The following DNAI3 variants were observed in gnomAD, a reference collection of about 807,000 sequenced individuals.
DNAI3 encodes dynein axonemal intermediate chain 3.
A neutral mutation model predicts 115.5 loss-of-function variants in DNAI3; 83 were observed. The ratio of observed to expected loss-of-function variants is 0.72; its 90% CI spans 0.60 to 0.86. The LOEUF is 0.86. Ranked by LOEUF, DNAI3 falls within the 40% of genes least tolerant of loss-of-function variation. DNAI3 has a pLI of 0.00. For missense variants in DNAI3, 1,004 were observed against 1,075.8 expected (o/e 0.93, Z 0.93); for synonymous variants, 320 against 347.0 (o/e 0.92, Z 0.86).
chr1:85,131,478 G>A (rs965086965), intron 22 of DNAI3, among the ~76,000 whole-genome samples: 4 of 149,158 alleles, frequency 2.7e-5, no homozygotes, highest in Non-Finnish European at 5.9e-5. Flanking sequence ...GCATTAGCAT[G>A]TGGAAATATT....
At chr1:85,120,596 A>T (rs748295601) in intron 17 of DNAI3, among the ~76,000 whole-genome samples, 8 of 152,060 alleles carry the variant, frequency 5.3e-5, no homozygotes. Flanking sequence ...GATATTAATA[A>T]CTCTCTTACA....
At position 85,132,852 on chromosome 1, in the gene DNAI3, C is replaced by CA. The variant is rs1353771060; in HGVS notation, c.2533-2dup. ...GGATGTCTTGTTTTTCTTCCCCCCC[C>CA]AGAAAACATATCAGAAGTCAAAAGA... is the stretch of plus-strand genomic sequence containing the variant. On this transcript the variant is annotated splice_region_variant and splice_polypyrimidine_tract_variant and intron_variant, in intron 22 of 22. Coordinates refer to ENST00000294664, the MANE Select transcript of DNAI3 (RefSeq NM_145172.5). 1 of 1,597,764 alleles carries CA rather than the reference C, an allele frequency of 6.3e-7. No homozygotes were observed. The highest frequency in any genetic ancestry group is 8.5e-7 in the Non-Finnish European group (1 of 1,174,096).
At chr1:85,098,416 C>T (rs1655191268) in intron 12 of DNAI3, 114 bp from the exon 13 acceptor site, 5 of 1,257,800 alleles carry the variant, frequency 4.0e-6, no homozygotes, top group Non-Finnish European at 5.5e-6. Context: ...TTATGTTTTT[C>T]CTTGAACTGG....
chr1:85,123,912 A>G (rs1427780386), intron 18 of DNAI3, among the ~76,000 whole-genome samples: 2 of 152,240 alleles, frequency 1.3e-5, no homozygotes, highest in African/African-American at 4.8e-5. Flanking sequence ...AGCTTGAAAA[A>G]TGGCCTTGAT....
chr1:85,087,234 G>A (rs556691063), intron 7 of DNAI3, among the ~76,000 whole-genome samples: 1 of 151,884 alleles, frequency 6.6e-6, no homozygotes, highest in East Asian at 1.9e-4. Flanking sequence ...TCAAGAGATC[G>A]AGACCATCCT....
intron 1 of DNAI3, among the ~76,000 whole-genome samples, chr1:85,065,630 T>C (rs1654075239): frequency 6.6e-6 from 1 of 152,190 alleles, no homozygotes; most frequent in Non-Finnish European, 1.5e-5. Flanking sequence ...TATAGTCTTT[T>C]GTGATAGTTC....
chr1:85,083,927 G>A (rs536077051), intron 5 of DNAI3, among the ~76,000 whole-genome samples: 40 of 151,718 alleles, frequency 2.6e-4, no homozygotes, highest in African/African-American at 9.2e-4. Context: ...CATAAAAATT[G>A]TGTCATTTTT....
At chr1:85,098,702 A>G (rs750389496) in intron 13 of DNAI3, 44 bp downstream of exon 13, 2 of 1,594,956 alleles carry the variant, frequency 1.3e-6, no homozygotes, top group Non-Finnish European at 1.7e-6. Flanking sequence ...TGAATTACAC[A>G]TTTTCAGATT....
Position 85,085,906 on chromosome 1 carries a change from G to T in DNAI3, c.616G>T (p.Val206Leu). 6.2e-7 allele frequency: 1 copy of T among 1,614,162 alleles called. No homozygotes were observed. Among genetic ancestry groups the T allele is most frequent in the South Asian group, 1.1e-5 (1 of 91,078 alleles). ...GTTCAGTGACCAGAATGCTTCCAGTGTAAAAGATGCCTATATTGAATGTAC... is the reference window on the plus strand; with the variant it reads ...GTTCAGTGACCAGAATGCTTCCAGTTTAAAAGATGCCTATATTGAATGTAC... The part of the protein sequence containing the change: ...IKFSDQNASS[V>L]KDAYIECTAY... Residue 206 changes from valine to leucine, a missense_variant, in exon 7 of 23, where the codon GTA becomes TTA. Physicochemically the swap from Val to Leu is conservative, Grantham distance 32. Around this residue, in one of 3 missense-constraint regions of DNAI3, gnomAD observed 550 missense variants for 568.1 expected, o/e 0.97. Transcript: ENST00000294664.
intron 1 of DNAI3, among the ~76,000 whole-genome samples, chr1:85,063,287 T>C (rs1653991602): frequency 6.6e-6 from 1 of 151,754 alleles, no homozygotes; most frequent in African/African-American, 2.4e-5. Context: ...ATGAGAAAGA[T>C]TGAAGCAAGC....
At chr1:85,130,682 TAGA>T (rs759910502) in intron 22 of DNAI3, among the ~76,000 whole-genome samples, 1 of 83,202 alleles carries the variant, frequency 1.2e-5, no homozygotes, top group African/African-American at 5.4e-5. Flanking sequence ...GATAGATAGA[TAGA>T]TAGATAGATA....
chr1:85,116,868 G>A (rs1655835629), intron 16 of DNAI3, among the ~76,000 whole-genome samples: 3 of 152,132 alleles, frequency 2.0e-5, no homozygotes, highest in Admixed American at 2.0e-4. Flanking sequence ...AACAAAGAGA[G>A]TATTGGTTGA....
chr1:85,110,034 T>C lies in DNAI3; in HGVS notation c.1699-14T>C. 1 of 1,610,836 alleles carries C rather than the reference T, an allele frequency of 6.2e-7. No individual in the cohort carries two copies. The highest frequency in any genetic ancestry group is 8.5e-7 in the Non-Finnish European group (1 of 1,177,406). On this transcript the variant is annotated splice_polypyrimidine_tract_variant and intron_variant, in intron 15 of 22. Coordinates refer to ENST00000294664, the MANE Select transcript of DNAI3 (RefSeq NM_145172.5). Reference sequence around the variant, plus strand: ...ATATGTGGAAATAATCTTTGCTATATGTTCTCCCAAAAGGTAAGGCTGTCC... The same window carrying C: ...ATATGTGGAAATAATCTTTGCTATACGTTCTCCCAAAAGGTAAGGCTGTCC...
intron 17 of DNAI3, among the ~76,000 whole-genome samples, chr1:85,118,367 T>C (rs1353807346): frequency 6.6e-6 from 1 of 152,248 alleles, no homozygotes; most frequent in Non-Finnish European, 1.5e-5. Flanking sequence ...CTGTGCCAAG[T>C]TATTTTCCAA....
intron 16 of DNAI3, among the ~76,000 whole-genome samples, chr1:85,115,763 C>T (rs1655798014): frequency 6.6e-6 from 1 of 152,112 alleles, no homozygotes; most frequent in South Asian, 2.1e-4. Flanking sequence ...ACCTAGATCC[C>T]TTGAATGTCC....
At chr1:85,103,958 A>G (rs1655407816) in intron 13 of DNAI3, among the ~76,000 whole-genome samples, 2 of 149,424 alleles carry the variant, frequency 1.3e-5, no homozygotes, top group South Asian at 4.2e-4. Context: ...GTAAATGTTC[A>G]AATTATGTGG....
intron 1 of DNAI3, among the ~76,000 whole-genome samples, chr1:85,065,184 C>CGT (rs1557703428): frequency 5.9e-5 from 9 of 151,448 alleles, no homozygotes; most frequent in African/African-American, 2.2e-4. Context: ...AGGAAGAACC[C>CGT]AGTTAAAGAG....
At chr1:85,068,683 GC>G (rs1371491232) in intron 1 of DNAI3, among the ~76,000 whole-genome samples, 4 of 152,230 alleles carry the variant, frequency 2.6e-5, no homozygotes, top group Admixed American at 2.6e-4. Context: ...ACACGACCTA[GC>G]CCCCCTTGTG....
chr1:85,107,061 A>G (rs901824769), intron 14 of DNAI3, among the ~76,000 whole-genome samples: 1 of 152,234 alleles, frequency 6.6e-6, no homozygotes, highest in Non-Finnish European at 1.5e-5. Flanking sequence ...CAATGGCTAT[A>G]ATCAAAAGAC....
Sources: allele counts gnomAD v4.1 joint callset (sites outside exome capture counted in the v4.1 genomes callset), GRCh38; gene constraint gnomAD v4.1.1; regional missense constraint gnomAD v4.1.1; transcripts MANE v1.5; gene names NCBI Gene and HGNC (gene_info 2026-07-23, HGNC 2026-07-21).